The following C12orf42 variants were observed in gnomAD, a reference collection of about 807,000 sequenced individuals.
The protein encoded by C12orf42 is chromosome 12 open reading frame 42.
C12orf42 carries 25 observed loss-of-function variants against 21.6 expected under a neutral mutation model. That is an observed-to-expected ratio of 1.16 (90% CI 0.84 to 1.62). The LOEUF is 1.62. Ranked by LOEUF, C12orf42 falls within the 40% of genes most tolerant of loss-of-function variation. The probability of loss-of-function intolerance (pLI) is 0.00; values close to 1 mark genes in which losing one functional copy is unlikely to be tolerated. For missense variants in C12orf42, 483 were observed against 459.3 expected, an observed-to-expected ratio of 1.05 and a Z score of -0.47; for synonymous variants, 174 against 175.0, an observed-to-expected ratio of 0.99 and a Z score of 0.05.
chr12:103,379,978 T>A (rs1206746620), intron 3 of C12orf42, among the ~76,000 whole-genome samples: 3 of 152,204 alleles, frequency 2.0e-5, no homozygotes, highest in Non-Finnish European at 4.4e-5. Context: ...TGGTTTGGGC[T>A]TTTTCTTTAG....
chr12:103,322,101 A>ACGCGCGTGCGTGCG (rs1366209900), intron 4 of C12orf42, among the ~76,000 whole-genome samples: 1 of 115,358 alleles, frequency 8.7e-6, no homozygotes, highest in Non-Finnish European at 1.7e-5. Flanking sequence ...TCAGATGTGC[A>ACGCGCGTGCGTGCG]CGCGCGTGCG....
intron 3 of C12orf42, among the ~76,000 whole-genome samples, chr12:103,390,598 A>G (rs2046992275): frequency 6.6e-6 from 1 of 152,206 alleles, no homozygotes; most frequent in Non-Finnish European, 1.5e-5. Flanking sequence ...GTAGAAACAG[A>G]TTTAGTATAA....
chr12:103,185,801 C>T, the C12orf42 span, among the ~76,000 whole-genome samples: 630 of 152,262 alleles, frequency 4.1e-3, 2 homozygotes, highest in Admixed American at 5.0e-3. Flanking sequence ...GTAAGAAGTG[C>T]CTTTCACCTC....
the C12orf42 span, among the ~76,000 whole-genome samples, chr12:103,105,873 G>A: frequency 5.9e-5 from 9 of 152,134 alleles, no homozygotes; most frequent in South Asian, 2.1e-4. Context: ...TGAAAGAGAT[G>A]TTAATGACAA....
downstream of C12orf42, among the ~76,000 whole-genome samples, chr12:103,297,294 G>C (rs569080104): frequency 6.6e-6 from 1 of 152,270 alleles, no homozygotes; most frequent in East Asian, 1.9e-4. Flanking sequence ...CAGGTAGCAT[G>C]ATGCCTTCAG....
chr12:103,453,387 G>A (rs987129399), intron 2 of C12orf42, among the ~76,000 whole-genome samples: 2 of 151,686 alleles, frequency 1.3e-5, no homozygotes, highest in Non-Finnish European at 2.9e-5. Context: ...CTCTGTGTCT[G>A]TAATTATGTC....
intron 10 of C12orf42, among the ~76,000 whole-genome samples, chr12:103,254,656 C>A (rs572714772): frequency 6.6e-6 from 1 of 152,238 alleles, no homozygotes; most frequent in African/African-American, 2.4e-5. Context: ...CAAACTAATA[C>A]GGGAACAGAA....
chr12:103,305,891 A>AT (rs1314651087), intron 5 of C12orf42, 83 bp downstream of exon 5: 1 of 1,468,838 alleles, frequency 6.8e-7, no homozygotes, highest in African/African-American at 1.4e-5. Flanking sequence ...TGAAGTCAAT[A>AT]TTTTTTCTGT....
In C12orf42 at chr12:103,269,748, C is replaced by G. The variant is rs58616642; in HGVS notation, n.445+59G>C. The G allele has an allele frequency of 2.5e-4, 38 of 152,190 alleles. 1 individual carries two copies. Among genetic ancestry groups the G allele is most frequent in the African/African-American group, 8.2e-4 (34 of 41,526 alleles). The allele number at this position is 152,190 out of a possible 1,614,324, so 9.4% of individuals were successfully genotyped here. On this transcript the variant is annotated intron_variant and non_coding_transcript_variant, in intron 6 of 6. Coordinates refer to the C12orf42 transcript ENST00000546526. ...ATGCTCTAGTGGAGAGGGACAAATC[C>G]AGTGCTGTGTGCTCAGTACTATGGT...
the C12orf42 span, among the ~76,000 whole-genome samples, chr12:103,165,100 C>T: frequency 6.6e-6 from 1 of 152,170 alleles, no homozygotes; most frequent in Non-Finnish European, 1.5e-5. Flanking sequence ...AGTCTGTGTT[C>T]CTGGAGAACC....
intron 4 of C12orf42, among the ~76,000 whole-genome samples, chr12:103,281,233 G>A (rs2036094153): frequency 6.6e-6 from 1 of 152,184 alleles, no homozygotes; most frequent in Non-Finnish European, 1.5e-5. Context: ...TCTGAGAGAG[G>A]TAAAACGAAG....
At chr12:103,500,869 T>C (rs1359746286), upstream of C12orf42, among the ~76,000 whole-genome samples, 1 of 152,374 alleles carries the variant, frequency 6.6e-6, no homozygotes, top group African/African-American at 2.4e-5. Flanking sequence ...AAAATTGTGT[T>C]CCTGTCTTTA....
the C12orf42 span, among the ~76,000 whole-genome samples, chr12:103,150,537 A>G: frequency 1.5e-4 from 23 of 152,344 alleles, no homozygotes; most frequent in South Asian, 4.8e-3. Flanking sequence ...TAATTCTGTG[A>G]CATAGACAAT....
chr12:103,067,556 A>G, the C12orf42 span, among the ~76,000 whole-genome samples: 1 of 152,160 alleles, frequency 6.6e-6, no homozygotes, highest in South Asian at 2.1e-4. Flanking sequence ...TCCCATAGCC[A>G]GGATACACAG....
At chr12:103,121,758 TAGATGAAA>T in the C12orf42 span, among the ~76,000 whole-genome samples, 2 of 152,242 alleles carry the variant, frequency 1.3e-5, no homozygotes, top group African/African-American at 4.8e-5. Context: ...CTATTCAGAC[TAGATGAAA>T]AGATTAGGCC....
In C12orf42 at chr12:103,269,633, T is replaced by C. The variant is rs1030278243; in HGVS notation, n.445+174A>G. Among the ~76,000 whole-genome samples, 50 of 152,256 alleles carry C rather than the reference T, an allele frequency of 3.3e-4. 1 individual carries two copies. Among genetic ancestry groups the C allele is most frequent in the African/African-American group, 1.0e-3 (42 of 41,564 alleles). ...CTAAATTTATCAAATTCAACAAGAA[T>C]TTCTTGAGCCCCTAAAATGTACCTG... On this transcript the variant is annotated intron_variant and non_coding_transcript_variant, in intron 6 of 6. Coordinates refer to the C12orf42 transcript ENST00000546526.
the C12orf42 span, among the ~76,000 whole-genome samples, chr12:103,132,803 G>A: frequency 4.6e-5 from 7 of 152,134 alleles, no homozygotes; most frequent in East Asian, 1.9e-4. Flanking sequence ...CACCGCTACC[G>A]CAGCTGGGGC....
chr12:103,167,678 AT>A, the C12orf42 span, among the ~76,000 whole-genome samples: 2 of 152,168 alleles, frequency 1.3e-5, no homozygotes, highest in African/African-American at 4.8e-5. Context: ...TTGACATTTC[AT>A]TTCAATAAGC....
the C12orf42 span, among the ~76,000 whole-genome samples, chr12:103,210,428 T>G: frequency 6.6e-6 from 1 of 152,266 alleles, no homozygotes; most frequent in East Asian, 1.9e-4. Flanking sequence ...CACAGTTAGA[T>G]ACGTACATTT....
Sources: gnomAD v4.1 joint callset for allele counts (sites outside exome capture counted in the v4.1 genomes callset) on GRCh38, gnomAD v4.1.1 for gene constraint, MANE v1.5 for transcripts, NCBI Gene and HGNC (gene_info 2026-07-23, HGNC 2026-07-21) for gene names.